Variants in LRBA observed in about 807,000 individuals in gnomAD.
The protein encoded by LRBA is LPS responsive beige-like anchor protein.
In LRBA, 176 loss-of-function variants were observed where a neutral mutation model predicts 330.0. The observed-to-expected ratio is 0.53, with a 90% CI of 0.47 to 0.60. The LOEUF (loss-of-function observed/expected upper bound fraction) is 0.60, where lower values mean the gene tolerates loss of function less well. Ranked by LOEUF, LRBA falls within the 20% of genes least tolerant of loss-of-function variation. The probability of loss-of-function intolerance (pLI) is 0.00; values close to 1 mark genes in which losing one functional copy is unlikely to be tolerated. For missense variants in LRBA, 3,259 were observed against 3,444.8 expected, an observed-to-expected ratio of 0.95 and a Z score of 1.35; for synonymous variants, 1,230 against 1,193.0, an observed-to-expected ratio of 1.03 and a Z score of -0.64.
At chr4:150,931,447 T>C (rs560904539) in intron 2 of LRBA, among the ~76,000 whole-genome samples, 1 of 151,184 alleles carries the variant, frequency 6.6e-6, no homozygotes, top group Non-Finnish European at 1.5e-5. Flanking sequence ...GACATGCAAA[T>C]AGAACAAAGA....
chr4:150,326,607 A>T (rs891584115), intron 48 of LRBA, among the ~76,000 whole-genome samples: 5 of 152,190 alleles, frequency 3.3e-5, no homozygotes, highest in Admixed American at 6.5e-5. Flanking sequence ...CCAACCACCC[A>T]TCATGGGAAA....
intron 2 of LRBA, among the ~76,000 whole-genome samples, chr4:150,989,472 G>A (rs1741829429): frequency 6.6e-6 from 1 of 151,960 alleles, no homozygotes; most frequent in Admixed American, 6.6e-5. Flanking sequence ...AAGTAGCCAG[G>A]CATGGTGACA....
rs1412447513 is a variant in LRBA at position 150,467,782 on chromosome 4, C to T, written c.6671G>A (p.Arg2224Gln). ...YLMFLNTIAG[R>Q]SYNDLNQYPV... ...ATACTGATTTAAGTCATTATAACTC[C>T]GTCCTGATAGGGAAAAAAGTTACTC... Residue 2224 changes from arginine to glutamine, a missense_variant, in exon 44 of 57, where the codon CGG becomes CAG. Coordinates refer to ENST00000651943, the MANE Select transcript of LRBA (RefSeq NM_001364905.1). 3 of 1,449,202 alleles carry T rather than the reference C, an allele frequency of 2.1e-6. No individual in the cohort carries two copies. The highest frequency in any genetic ancestry group is 2.3e-5 in the East Asian group (1 of 43,178). 89.8% of individuals were successfully genotyped at this position (1,449,202 alleles called of 1,614,324 possible). A position where few individuals can be genotyped will look rare whatever the true frequency, so the allele number is the denominator to read the frequency against.
intron 50 of LRBA, among the ~76,000 whole-genome samples, chr4:150,317,953 G>C (rs879726909): frequency 2.0e-5 from 3 of 152,176 alleles, no homozygotes; most frequent in Non-Finnish European, 4.4e-5. Context: ...TCCTCAGGTT[G>C]TTAAGAAGAT....
At chr4:150,650,804 T>A (rs1469180656) in intron 37 of LRBA, among the ~76,000 whole-genome samples, 1 of 151,958 alleles carries the variant, frequency 6.6e-6, no homozygotes, top group Non-Finnish European at 1.5e-5. Flanking sequence ...AAAAAAAAAG[T>A]CTACTTCTAT....
intron 44 of LRBA, among the ~76,000 whole-genome samples, chr4:150,467,088 C>A (rs895088330): frequency 2.0e-5 from 3 of 151,984 alleles, no homozygotes; most frequent in African/African-American, 7.2e-5. Context: ...TCAAAAATGT[C>A]CCAGTAATAA....
intron 29 of LRBA, among the ~76,000 whole-genome samples, chr4:150,829,961 T>C (rs748223928): frequency 6.6e-6 from 1 of 152,198 alleles, no homozygotes; most frequent in African/African-American, 2.4e-5. Context: ...ATTCACAAAA[T>C]GCACACCTAA....
At chr4:150,799,337 G>A (rs1469759217) in intron 33 of LRBA, among the ~76,000 whole-genome samples, 2 of 152,168 alleles carry the variant, frequency 1.3e-5, no homozygotes, top group South Asian at 2.1e-4. Context: ...TCTGTAGGGC[G>A]AAGATGAACA....
chr4:150,858,038 A>G (rs1402075471), intron 22 of LRBA, among the ~76,000 whole-genome samples: 2 of 151,966 alleles, frequency 1.3e-5, no homozygotes, highest in Non-Finnish European at 2.9e-5. Context: ...CTCGCACTAA[A>G]ATGTTAATAA....
chr4:150,723,732 G>A (rs970662791), intron 36 of LRBA, among the ~76,000 whole-genome samples: 7 of 152,330 alleles, frequency 4.6e-5, no homozygotes, highest in Admixed American at 3.3e-4. Context: ...TCGGCTACAT[G>A]GGGGTAGAGC....
chr4:151,006,701 A>T (rs568608856), intron 2 of LRBA, among the ~76,000 whole-genome samples: 1 of 152,308 alleles, frequency 6.6e-6, no homozygotes, highest in East Asian at 1.9e-4. Flanking sequence ...AGGAAAAAAA[A>T]ATCTGATTTT....
chr4:150,753,947 G>A (rs954829266), intron 35 of LRBA, among the ~76,000 whole-genome samples: 2 of 151,782 alleles, frequency 1.3e-5, no homozygotes, highest in East Asian at 3.9e-4. Context: ...AGCACCTGTA[G>A]TCCCAGGTAC....
In LRBA at chr4:150,870,560, G is replaced by T. The variant is rs1181572958; in HGVS notation, c.2414C>A (p.Pro805Gln). The T allele has an allele frequency of 1.3e-6, 2 of 1,597,464 alleles. No individual in the cohort carries two copies. The highest frequency in any genetic ancestry group is 2.2e-5 in the East Asian group (1 of 44,640). Reference protein sequence around the residue: ...IGTQVIHKQHPDPDSSVKIQN... With the variant: ...IGTQVIHKQHQDPDSSVKIQN... ...TATCTTCACTGAAGAATCAGGATCT[G>T]GATGCTGTTTATGTATCACCTGAGT... Residue 805 changes from proline (P) to glutamine (Q), a missense_variant, in exon 20 of 57, where the codon CCA becomes CAA. By Grantham distance (76) the Pro-to-Gln change is moderately conservative (BLOSUM62 -1). Transcript: ENST00000651943.
chr4:150,387,137 G>A lies in LRBA; in HGVS notation c.7194+28301C>T, dbSNP rs1012082668. 1.3e-5 allele frequency among the ~76,000 whole-genome samples: 2 copies of A among 150,498 alleles called. 1 individual carries two copies. Among genetic ancestry groups the A allele is most frequent in the Non-Finnish European group, 3.0e-5 (2 of 67,680 alleles). On this transcript the variant is annotated intron_variant, in intron 47 of 56. Transcript: ENST00000651943. ...TTTTGTAAATTTGTTTAAGTTCCTT[G>A]TAGATGCTAAATATTAGACCTTTGT...
At chr4:150,824,852 G>T (rs1745992755) in intron 30 of LRBA, among the ~76,000 whole-genome samples, 1 of 152,128 alleles carries the variant, frequency 6.6e-6, no homozygotes, top group Non-Finnish European at 1.5e-5. Context: ...ACAGCTCACT[G>T]TAGTGTCAAA....
At chr4:150,901,432 T>C (rs1343615726) in intron 13 of LRBA, among the ~76,000 whole-genome samples, 1 of 152,202 alleles carries the variant, frequency 6.6e-6, no homozygotes, top group Non-Finnish European at 1.5e-5. Flanking sequence ...TGCTAGAGGG[T>C]ATATTTTATA....
chr4:150,772,717 C>T (rs145178097), intron 34 of LRBA, among the ~76,000 whole-genome samples: 15 of 152,238 alleles, frequency 9.9e-5, no homozygotes, highest in African/African-American at 2.6e-4. Context: ...CCGTCAAAGG[C>T]TCCAAATAGC....
intron 2 of LRBA, among the ~76,000 whole-genome samples, chr4:150,954,564 GCAGCATACTCGTTAAGAGTCAT>G (rs1737308520): frequency 2.0e-5 from 3 of 150,542 alleles, no homozygotes; most frequent in Admixed American, 2.0e-4. Context: ...ATGCTTGAAG[GCAGCATACTCGTTAAGAGTCAT>G]CACCACTCCC....
At chr4:150,646,767 T>C (rs1779176032) in intron 37 of LRBA, among the ~76,000 whole-genome samples, 1 of 152,054 alleles carries the variant, frequency 6.6e-6, no homozygotes, top group Admixed American at 6.6e-5. Flanking sequence ...AATTCAAAAA[T>C]CTGGAATTTG....
Sources: allele counts gnomAD v4.1 joint callset (sites outside exome capture counted in the v4.1 genomes callset), GRCh38; gene constraint gnomAD v4.1.1; transcripts MANE v1.5; gene names NCBI Gene and HGNC (gene_info 2026-07-23, HGNC 2026-07-21).